The following EPM2A variants were observed in gnomAD, a reference collection of about 807,000 sequenced individuals.
EPM2A encodes EPM2A glucan phosphatase, laforin.
Under a neutral mutation model 26.5 loss-of-function variants are expected in EPM2A, and 21 were observed. That is an observed-to-expected ratio of 0.79 (90% confidence interval 0.56 to 1.14). The LOEUF (loss-of-function observed/expected upper bound fraction) is 1.14. Ranked by LOEUF, EPM2A falls within the 50% of genes most tolerant of loss-of-function variation. The pLI is 0.00. For synonymous variants in EPM2A, 217 were observed against 177.6 expected, an observed-to-expected ratio of 1.22 and a Z score of -1.76; for missense variants, 458 against 440.8, an observed-to-expected ratio of 1.04 and a Z score of -0.35.
chr6:145,526,492 G>T (rs1318375743), intron 2 of EPM2A, among the ~76,000 whole-genome samples: 1 of 151,800 alleles, frequency 6.6e-6, no homozygotes, highest in Non-Finnish European at 1.5e-5. Flanking sequence ...ATCTGTTCAA[G>T]ATTTCAATTT....
At chr6:145,525,900 C>T (rs1356428692) in intron 2 of EPM2A, among the ~76,000 whole-genome samples, 1 of 151,904 alleles carries the variant, frequency 6.6e-6, no homozygotes, top group Non-Finnish European at 1.5e-5. Flanking sequence ...CCACATTTTG[C>T]CCATTAAGTA....
chr6:145,610,209 G>A lies in EPM2A; in HGVS notation c.340+25036C>T, dbSNP rs1431556025. 7.3e-4 allele frequency among the ~76,000 whole-genome samples: 105 copies of A among 143,606 alleles called. 2 individuals are homozygous for A. Among genetic ancestry groups the A allele is most frequent in the Non-Finnish European group, 4.6e-4 (31 of 66,786 alleles). The allele number at this position is 143,606 out of a possible 152,430, so 94.2% of individuals were successfully genotyped here. A position where few individuals can be genotyped will look rare whatever the true frequency, so the allele number is the denominator to read the frequency against. ...AGCCTGGGCGACAGAGCAAGACTCCGTCTCAAAAAAAAAAAAAAAAATTTG... is the reference window on the plus strand; with the variant it reads ...AGCCTGGGCGACAGAGCAAGACTCCATCTCAAAAAAAAAAAAAAAAATTTG... On this transcript the variant is annotated intron_variant, in intron 2 of 3. Coordinates refer to the EPM2A transcript ENST00000450221.
chr6:145,419,019 G>T (rs1778745658), intron 4 of EPM2A, among the ~76,000 whole-genome samples: 1 of 152,174 alleles, frequency 6.6e-6, no homozygotes, highest in African/African-American at 2.4e-5. Flanking sequence ...AGAGGCCTTT[G>T]GTTCTATTTC....
chr6:145,588,367 A>G (rs1043636412), intron 2 of EPM2A, among the ~76,000 whole-genome samples: 6 of 152,348 alleles, frequency 3.9e-5, no homozygotes, highest in African/African-American at 1.4e-4. Flanking sequence ...GGATTAATTC[A>G]TTAGAGAAGA....
chr6:145,526,954 G>T (rs1419891773), intron 2 of EPM2A, among the ~76,000 whole-genome samples: 2 of 151,876 alleles, frequency 1.3e-5, no homozygotes, highest in Non-Finnish European at 2.9e-5. Context: ...TACTGCTTTT[G>T]CTGCATCCCA....
At chr6:145,519,914 G>C (rs1187635368) in intron 2 of EPM2A, among the ~76,000 whole-genome samples, 1 of 152,126 alleles carries the variant, frequency 6.6e-6, no homozygotes, top group African/African-American at 2.4e-5. Context: ...AATTGCAGAG[G>C]AGGATCACAA....
At chr6:145,686,545 T>G (rs1269581060) in intron 1 of EPM2A, among the ~76,000 whole-genome samples, 2 of 152,174 alleles carry the variant, frequency 1.3e-5, no homozygotes, top group Non-Finnish European at 2.9e-5. Context: ...ATGTTAACTC[T>G]TTCAGAGCTT....
rs374341017 is a variant in EPM2A, at chr6:145,672,052, T to C, written c.476+14070A>G. Among the ~76,000 whole-genome samples, 17 of 152,338 alleles carry C rather than the reference T, an allele frequency of 1.1e-4. No individual in the cohort carries two copies. In the South Asian group the frequency reaches 3.5e-3, roughly 32 times the overall value. On this transcript the variant is annotated intron_variant, in intron 2 of 3. Coordinates refer to ENST00000367519, the MANE Select transcript of EPM2A (RefSeq NM_005670.4). ...CATTCTTTTGCATGAAAAATAATTC[T>C]ATTGAAGAGGGTGGTGTAGTTTGGT...
intron 1 of EPM2A, among the ~76,000 whole-genome samples, chr6:145,717,542 C>G (rs1329456998): frequency 6.6e-6 from 1 of 152,174 alleles, no homozygotes; most frequent in African/African-American, 2.4e-5. Flanking sequence ...GAAGCATTCC[C>G]TTTGAAAACT....
chr6:145,426,355 GGC>G (rs1778854533), intron 4 of EPM2A, among the ~76,000 whole-genome samples: 1 of 152,072 alleles, frequency 6.6e-6, no homozygotes, highest in South Asian at 2.1e-4. Context: ...TTTCTCCTTT[GGC>G]AGTACAATCT....
chr6:145,644,047 G>T (rs192187081), intron 2 of EPM2A, among the ~76,000 whole-genome samples: 1 of 152,124 alleles, frequency 6.6e-6, no homozygotes, highest in African/African-American at 2.4e-5. Context: ...ACCACAGTTC[G>T]AGTATCAACA....
At position 145,668,663 on chromosome 6, in the gene EPM2A, C is replaced by T. The variant is rs548996235; in HGVS notation, c.476+17459G>A. Among the ~76,000 whole-genome samples the T allele has an allele frequency of 4.7e-3, 717 of 152,190 alleles. 6 individuals carry two copies. The highest frequency in any genetic ancestry group is 0.02 in the Middle Eastern group (6 of 294). ...TGGCAGTTCTGCTACTTATTGGCTG[C>T]TATGATCTCAGAGCAGTACCTCCAT... is the stretch of plus-strand genomic sequence containing the variant. On this transcript the variant is annotated intron_variant, in intron 2 of 3. Coordinates refer to ENST00000367519, the MANE Select transcript of EPM2A (RefSeq NM_005670.4).
At chr6:145,407,906 T>C (rs1227311585) in intron 4 of EPM2A, among the ~76,000 whole-genome samples, 1 of 152,192 alleles carries the variant, frequency 6.6e-6, no homozygotes. Flanking sequence ...CATGTTTATA[T>C]AGCTAAATAG....
chr6:145,615,690 A>T (rs770529805), intron 2 of EPM2A, among the ~76,000 whole-genome samples: 2 of 152,026 alleles, frequency 1.3e-5, no homozygotes, highest in African/African-American at 2.4e-5. Flanking sequence ...TGGACAATGA[A>T]ATCCAAGCTG....
intron 4 of EPM2A, among the ~76,000 whole-genome samples, chr6:145,482,463 T>C (rs1396442765): frequency 6.6e-6 from 1 of 152,100 alleles, no homozygotes; most frequent in Non-Finnish European, 1.5e-5. Flanking sequence ...TAAAAGCTGT[T>C]AAAAGGTGGT....
chr6:145,644,668 A>T (rs1184267018), intron 2 of EPM2A, among the ~76,000 whole-genome samples: 1 of 152,068 alleles, frequency 6.6e-6, no homozygotes, highest in South Asian at 2.1e-4. Context: ...GAGGATAAAT[A>T]TTATATTTTT....
At chr6:145,443,022 G>A (rs535909037) in intron 4 of EPM2A, among the ~76,000 whole-genome samples, 126 of 151,480 alleles carry the variant, frequency 8.3e-4, no homozygotes, top group African/African-American at 2.7e-3. Context: ...CACCACGCCC[G>A]GCTAATTTTT....
chr6:145,478,064 T>C (rs1192472262), intron 4 of EPM2A, among the ~76,000 whole-genome samples: 1 of 151,440 alleles, frequency 6.6e-6, no homozygotes, highest in Non-Finnish European at 1.5e-5. Flanking sequence ...CTAGAACAGA[T>C]AAACAAATAA....
chr6:145,585,466 C>A (rs149567018), intron 2 of EPM2A, among the ~76,000 whole-genome samples: 28 of 152,196 alleles, frequency 1.8e-4, no homozygotes, highest in African/African-American at 6.3e-4. Flanking sequence ...GTTGTATGAT[C>A]AAGTTCACTA....
Sources: allele counts gnomAD v4.1 joint callset (sites outside exome capture counted in the v4.1 genomes callset), GRCh38; gene constraint gnomAD v4.1.1; transcripts MANE v1.5; gene names NCBI Gene and HGNC (gene_info 2026-07-23, HGNC 2026-07-21).